Variants in IGFBPL1 observed in about 807,000 individuals in gnomAD.
IGFBPL1 encodes insulin-like growth factor-binding protein-like 1.
In IGFBPL1, 20 loss-of-function variants were observed where a neutral mutation model predicts 23.9. That is an observed-to-expected ratio of 0.84 (90% CI 0.59 to 1.22). The LOEUF (loss-of-function observed/expected upper bound fraction) is 1.22. Ranked by LOEUF, IGFBPL1 falls within the 50% of genes most tolerant of loss-of-function variation. IGFBPL1 has a pLI of 0.00. For synonymous variants in IGFBPL1, 184 were observed against 171.8 expected, an observed-to-expected ratio of 1.07 and a Z score of -0.56; for missense variants, 436 against 379.3, an observed-to-expected ratio of 1.15 and a Z score of -1.24.
In IGFBPL1 at chr9:38,407,645, G is replaced by A. The variant is rs1821445786; in HGVS notation, c.*1582C>T. Among the ~76,000 whole-genome samples the A allele has an allele frequency of 6.6e-6, 1 of 152,170 alleles. No homozygotes were observed. Among genetic ancestry groups the A allele is most frequent in the Non-Finnish European group, 1.5e-5 (1 of 68,032 alleles). On this transcript the variant is annotated 3_prime_UTR_variant, in exon 5 of 5. Transcript: ENST00000377694. The stretch of plus-strand genomic sequence containing the variant: ...CTTTACATAGTTTTGAGATGACCCT[G>A]AGTAGCAGCACCGTGGAGTAGAGAG...
At chr9:38,410,627 G>C (rs1821501476) in intron 4 of IGFBPL1, among the ~76,000 whole-genome samples, 1 of 152,228 alleles carries the variant, frequency 6.6e-6, no homozygotes, top group Middle Eastern at 3.2e-3. Flanking sequence ...GCTGGGTCCT[G>C]AATGAGGGGA....
chr9:38,416,359 A>T (rs1164304730), intron 1 of IGFBPL1, among the ~76,000 whole-genome samples: 4 of 152,244 alleles, frequency 2.6e-5, no homozygotes, highest in African/African-American at 9.6e-5. Context: ...CTCTCTAACA[A>T]CTACAATTAA....
chr9:38,414,033 T>TCTCTCTCACA lies in IGFBPL1; in HGVS notation c.570+60_570+61insTGTGAGAGAG, dbSNP rs5897733. On this transcript the variant is annotated intron_variant, in intron 2 of 4. Transcript: ENST00000377694. Reference sequence around the variant, plus strand: ...ACTCACGTCTGTTTCTCCCTCTTTCTCACACACACACACACACACACACAC... The same window carrying TCTCTCTCACA: ...ACTCACGTCTGTTTCTCCCTCTTTCTCTCTCTCACACACACACACACACACACACACACAC... The TCTCTCTCACA allele has an allele frequency of 2.8e-5, 21 of 761,226 alleles. No homozygotes were observed. In the African/African-American group the frequency reaches 3.6e-4, roughly 13 times the overall value. 47.2% of individuals were successfully genotyped at this position (761,226 alleles called of 1,614,324 possible).
intron 1 of IGFBPL1, among the ~76,000 whole-genome samples, chr9:38,419,993 A>T (rs1238310118): frequency 3.3e-5 from 5 of 151,928 alleles, no homozygotes; most frequent in Admixed American, 2.6e-4. Flanking sequence ...GGGCTCAAGA[A>T]ATCCTCCTGC....
rs1821725774 is a variant in IGFBPL1, at chr9:38,424,171, C to T, written c.254G>A (p.Cys85Tyr). The T allele has an allele frequency of 2.6e-6, 3 of 1,173,000 alleles. No individual in the cohort carries two copies. Among genetic ancestry groups the T allele is most frequent in the African/African-American group, 3.2e-5 (2 of 61,954 alleles). 72.7% of individuals were successfully genotyped at this position (1,173,000 alleles called of 1,614,324 possible). A position where few individuals can be genotyped will look rare whatever the true frequency, so the allele number is the denominator to read the frequency against. ...GCTCGCGCATACCAGGCCGGGGCCA[C>T]AGCGCCCGCCGGCGCGGCCCCCGCA... is the stretch of plus-strand genomic sequence containing the variant. ...ASCGGRAGGR[C>Y]GPGLVCASQA... The change falls in exon 1 of 5, where the codon TGT becomes TAT. Residue 85 changes from cysteine to tyrosine, a missense_variant. By Grantham distance (194) the Cys-to-Tyr change is radical. Transcript: ENST00000377694.
chr9:38,422,458 G>A (rs1563921263), intron 1 of IGFBPL1, among the ~76,000 whole-genome samples: 2 of 152,232 alleles, frequency 1.3e-5, no homozygotes, highest in African/African-American at 2.4e-5. Flanking sequence ...GTGAATTAAC[G>A]GCTGAGGAAA....
chr9:38,406,872 G>C lies in IGFBPL1; in HGVS notation c.*2355C>G, dbSNP rs1195865046. Among the ~76,000 whole-genome samples the C allele has an allele frequency of 6.6e-6, 1 of 152,212 alleles. No individual in the cohort carries two copies. The highest frequency in any genetic ancestry group is 6.5e-5 in the Admixed American group (1 of 15,284). ...GCTCAGTACTTCCAGCATGGGCTCT[G>C]TCCACCCTGCTCTCTGGGTCTACAT... On this transcript the variant is annotated 3_prime_UTR_variant, in exon 5 of 5. Transcript: ENST00000377694.
In IGFBPL1 at chr9:38,413,660, C is replaced by T. The variant is rs74425815; in HGVS notation, c.571-307G>A. On this transcript the variant is annotated intron_variant, in intron 2 of 4. Transcript: ENST00000377694. ...GGGACAACATTCGCTGTGATCCTTG[C>T]CGGTCTCTCAAAAACTGGTCTTTAG... Among the ~76,000 whole-genome samples the T allele has an allele frequency of 4.0e-3, 607 of 152,314 alleles. 2 individuals carry two copies. Among genetic ancestry groups the T allele is most frequent in the Non-Finnish European group, 6.7e-3 (459 of 68,028 alleles).
chr9:38,424,032 G>C lies in IGFBPL1; in HGVS notation c.393C>G (p.Arg131=). ...SYPSVCALRL[R]ARHTPRAHPG... ...GGTGCGCGCGGGGCGTGTGCCGAGC[G>C]CGCAGGCGCAGCGCGCAGACGCTGG... is the stretch of plus-strand genomic sequence containing the variant. The change falls in exon 1 of 5, where the codon CGC becomes CGG. Residue 131 remains arginine, a synonymous_variant. Coordinates refer to ENST00000377694, the MANE Select transcript of IGFBPL1 (RefSeq NM_001007563.3). The C allele has an allele frequency of 7.1e-7, 1 of 1,400,200 alleles. No individual in the cohort carries two copies. Among genetic ancestry groups the C allele is most frequent in the South Asian group, 1.6e-5 (1 of 63,758 alleles). The allele number at this position is 1,400,200 out of a possible 1,614,324, so 86.7% of individuals were successfully genotyped here. A position where few individuals can be genotyped will look rare whatever the true frequency, so the allele number is the denominator to read the frequency against.
At position 38,423,960 on chromosome 9, in the gene IGFBPL1, C is replaced by A; in HGVS notation, c.460+5G>T. ...CTACCCACCCAATCCCCGACCCTGACTCACCGAACTCGCAAGGGCCGTCGC... is the reference window on the plus strand; with the variant it reads ...CTACCCACCCAATCCCCGACCCTGAATCACCGAACTCGCAAGGGCCGTCGC... On this transcript the variant is annotated splice_donor_5th_base_variant and intron_variant, in intron 1 of 4. Transcript: ENST00000377694. The A allele has an allele frequency of 7.2e-7, 1 of 1,384,034 alleles. No homozygotes were observed. The highest frequency in any genetic ancestry group is 9.3e-7 in the Non-Finnish European group (1 of 1,075,614). The allele number at this position is 1,384,034 out of a possible 1,614,324, so 85.7% of individuals were successfully genotyped here. A position where few individuals can be genotyped will look rare whatever the true frequency, so the allele number is the denominator to read the frequency against.
chr9:38,424,139 C>G lies in IGFBPL1; in HGVS notation c.286G>C (p.Ala96Pro). 8.1e-7 allele frequency: 1 copy of G among 1,237,738 alleles called. No homozygotes were observed. The highest frequency in any genetic ancestry group is 1.0e-6 in the Non-Finnish European group (1 of 990,666). The allele number at this position is 1,237,738 out of a possible 1,614,324, so 76.7% of individuals were successfully genotyped here. A position where few individuals can be genotyped will look rare whatever the true frequency, so the allele number is the denominator to read the frequency against. ...CCGGTGCCCTCGGGCGCTGCCCCAGCGGCCTGGCTCGCGCATACCAGGCCG... is the reference window on the plus strand; with the variant it reads ...CCGGTGCCCTCGGGCGCTGCCCCAGGGGCCTGGCTCGCGCATACCAGGCCG... ...GPGLVCASQA[A>P]GAAPEGTGLC... The change falls in exon 1 of 5, where the codon GCT (alanine) becomes CCT (proline). Residue 96 changes from alanine (A) to proline (P), a missense_variant. Coordinates refer to ENST00000377694, the MANE Select transcript of IGFBPL1 (RefSeq NM_001007563.3).
chr9:38,422,605 G>A (rs1173561218), intron 1 of IGFBPL1, among the ~76,000 whole-genome samples: 1 of 152,212 alleles, frequency 6.6e-6, no homozygotes, highest in African/African-American at 2.4e-5. Flanking sequence ...TGGCCAGAGA[G>A]GGGAAGGGAC....
At chr9:38,412,987 G>A (rs1261991358) in intron 3 of IGFBPL1, among the ~76,000 whole-genome samples, 1 of 152,070 alleles carries the variant, frequency 6.6e-6, no homozygotes, top group Non-Finnish European at 1.5e-5. Context: ...CCACCACCTT[G>A]CCATGTAACA....
In IGFBPL1 at chr9:38,424,391, G is replaced by A; in HGVS notation, c.34C>T (p.Leu12Phe). ...GGCAGCAGCGGCAGCAGCAGCAGAA[G>A]CAGCAGCGGCAAGAGCAGAGACAAG... ...PRLSLLLPLL[L>F]LLLLPLLPPL... The change falls in exon 1 of 5, where the codon CTT (leucine) becomes TTT (phenylalanine). Residue 12 changes from leucine to phenylalanine, a missense_variant. Coordinates refer to ENST00000377694, the MANE Select transcript of IGFBPL1 (RefSeq NM_001007563.3). 3.1e-6 allele frequency: 2 copies of A among 644,786 alleles called. No homozygotes were observed. Among genetic ancestry groups the A allele is most frequent in the South Asian group, 1.7e-5 (1 of 59,456 alleles). 39.9% of individuals were successfully genotyped at this position (644,786 alleles called of 1,614,324 possible). A position where few individuals can be genotyped will look rare whatever the true frequency, so the allele number is the denominator to read the frequency against.
intron 1 of IGFBPL1, among the ~76,000 whole-genome samples, chr9:38,418,037 C>G (rs1330732893): frequency 1.3e-5 from 2 of 152,212 alleles, no homozygotes; most frequent in Non-Finnish European, 2.9e-5. Context: ...TGGTCGCAGG[C>G]CTGCCGTGTT....
At chr9:38,417,187 C>T (rs1264629891) in intron 1 of IGFBPL1, among the ~76,000 whole-genome samples, 1 of 152,144 alleles carries the variant, frequency 6.6e-6, no homozygotes, top group African/African-American at 2.4e-5. Flanking sequence ...CAGATGGTGG[C>T]GCTGCCCTGG....
At chr9:38,423,858 G>A (rs953091247) in intron 1 of IGFBPL1, 107 bp downstream of exon 1, 12 of 1,094,114 alleles carry the variant, frequency 1.1e-5, no homozygotes, top group Non-Finnish European at 1.4e-5. Context: ...GGGAAACTGA[G>A]TGCCAGGCAG....
Position 38,413,224 on chromosome 9 carries a change from C to A in IGFBPL1, c.687+13G>T, listed in dbSNP as rs1406073828. 6.7e-7 allele frequency: 1 copy of A among 1,499,736 alleles called. No homozygotes were observed. Among genetic ancestry groups the A allele is most frequent in the East Asian group, 2.3e-5 (1 of 44,334 alleles). The allele number at this position is 1,499,736 out of a possible 1,614,324, so 92.9% of individuals were successfully genotyped here. On this transcript the variant is annotated intron_variant, in intron 3 of 4. Transcript: ENST00000377694. ...TGGTCAGTCAATAATATCCAATAAT[C>A]CTAAACACTCACCAAAATCCAGGCC...
intron 1 of IGFBPL1, among the ~76,000 whole-genome samples, chr9:38,422,932 T>C (rs1454632256): frequency 6.6e-6 from 1 of 152,126 alleles, no homozygotes; most frequent in Non-Finnish European, 1.5e-5. Context: ...ACTTAGGCAC[T>C]AAAGTCTGGA....
Sources: allele counts gnomAD v4.1 joint callset (sites outside exome capture counted in the v4.1 genomes callset), GRCh38; gene constraint gnomAD v4.1.1; transcripts MANE v1.5; gene names NCBI Gene and HGNC (gene_info 2026-07-23, HGNC 2026-07-21).